The following HDAC5 variants were observed in gnomAD, a reference collection of about 807,000 sequenced individuals.
HDAC5 encodes the protein histone deacetylase 5, also known as antigen NY-CO-9.
In HDAC5, 25 loss-of-function variants were observed where a neutral mutation model predicts 133.3. That is an observed-to-expected ratio of 0.19 (90% confidence interval 0.14 to 0.26). The LOEUF is 0.26. Ranked by LOEUF, HDAC5 falls within the 10% of genes least tolerant of loss-of-function variation. The pLI, the probability that HDAC5 is intolerant of heterozygous loss-of-function variation, is 1.00. For synonymous variants in HDAC5, 589 were observed against 610.8 expected (o/e 0.96, Z 0.53); for missense variants, 1,041 against 1,460.5 (o/e 0.71, Z 4.68).
At position 44,087,435 on chromosome 17, in the gene HDAC5, C is replaced by G. The variant is rs770579557; in HGVS notation, c.1861G>C (p.Glu621Gln). 1 of 1,172,038 alleles carries G rather than the reference C, an allele frequency of 8.5e-7. No homozygotes were observed. Among genetic ancestry groups the G allele is most frequent in the East Asian group, 2.3e-5 (1 of 42,802 alleles). 72.6% of individuals were successfully genotyped at this position (1,172,038 alleles called of 1,614,324 possible). A position where few individuals can be genotyped will look rare whatever the true frequency, so the allele number is the denominator to read the frequency against. ...SGAEEGPDLE[E>Q]PGAGYKKLFS... ...ACTTTTTTGTATCCAGCACCAGGCT[C>G]CTCCAAGTCGGGCCCCTCCTCAGCA... The change falls in exon 13 of 27, where the codon GAG becomes CAG. Residue 621 changes from glutamate (E) to glutamine (Q), a missense_variant. Glu to Gln is a conservative substitution (Grantham distance 29, BLOSUM62 2). Coordinates refer to ENST00000682912, the MANE Select transcript of HDAC5 (RefSeq NM_005474.5).
chr17:44,106,045 G>A (rs1052003531), intron 3 of HDAC5, among the ~76,000 whole-genome samples: 8 of 152,184 alleles, frequency 5.3e-5, no homozygotes, highest in Admixed American at 3.9e-4. Flanking sequence ...AAAAGTTTGA[G>A]AACCACTGCC....
Position 44,122,151 on chromosome 17 carries a change from G to GCCAGCCTAGC in HDAC5, c.-190+1343_-190+1352dup, listed in dbSNP as rs538068778. Among the ~76,000 whole-genome samples, 53 of 152,164 alleles carry GCCAGCCTAGC rather than the reference G, an allele frequency of 3.5e-4. No individual in the cohort carries two copies. In the South Asian group the frequency reaches 0.011, roughly 31 times the overall value. On this transcript the variant is annotated intron_variant, in intron 1 of 26. Transcript: ENST00000682912. Reference sequence around the variant, plus strand: ...CATGGCTCATCCACCATCCAGCCCAGCCAGCCTAGCCCAGCCCAGCCCAGC... The same window carrying GCCAGCCTAGC: ...CATGGCTCATCCACCATCCAGCCCAGCCAGCCTAGCCCAGCCTAGCCCAGCCCAGCCCAGC...
At chr17:44,123,325 G>A (rs1175863441) in intron 1 of HDAC5, 179 bp downstream of exon 1, 1 of 328,626 alleles carries the variant, frequency 3.0e-6, no homozygotes, top group Non-Finnish European at 5.5e-6. Context: ...TCCCGCTCAC[G>A]GGCTGCCGAT....
At chr17:44,115,736 C>G (rs1244915321) in intron 2 of HDAC5, among the ~76,000 whole-genome samples, 1 of 152,224 alleles carries the variant, frequency 6.6e-6, no homozygotes, top group East Asian at 1.9e-4. Context: ...GTTCCCAATC[C>G]CTGGCCCCCT....
chr17:44,117,661 G>A lies in HDAC5; in HGVS notation c.-146C>T. 2 of 859,142 alleles carry A rather than the reference G, an allele frequency of 2.3e-6. No homozygotes were observed. The highest frequency in any genetic ancestry group is 2.8e-5 in the South Asian group (2 of 71,048). 53.2% of individuals were successfully genotyped at this position (859,142 alleles called of 1,614,324 possible). A position where few individuals can be genotyped will look rare whatever the true frequency, so the allele number is the denominator to read the frequency against. On this transcript the variant is annotated 5_prime_UTR_variant, in exon 2 of 27. Transcript: ENST00000682912. The surrounding 1 kb of genome is among the most constrained non-coding windows in gnomAD (Gnocchi z 4.2). ...GCCGTGCCTCTAATGCCCATCCGAG[G>A]CCATCCTTCGGGGCGAGGCAGTCAG...
intron 12 of HDAC5, 109 bp from the exon 13 acceptor site, chr17:44,087,805 T>A: frequency 7.5e-7 from 1 of 1,333,618 alleles, no homozygotes; most frequent in Non-Finnish European, 9.9e-7. Flanking sequence ...AGGTAGAGCT[T>A]CTATGTGAAT....
chr17:44,122,132 T>C (rs1366756275), intron 1 of HDAC5, among the ~76,000 whole-genome samples: 1 of 151,918 alleles, frequency 6.6e-6, no homozygotes, highest in Non-Finnish European at 1.5e-5. Context: ...CCAACATGGC[T>C]CATCCACCAT....
intron 3 of HDAC5, among the ~76,000 whole-genome samples, chr17:44,105,599 G>A (rs1020261823): frequency 2.6e-5 from 4 of 152,204 alleles, no homozygotes; most frequent in African/African-American, 9.7e-5. Context: ...TGGGTGTCCA[G>A]CAGGGCACCC....
rs747419155 is a variant in HDAC5, at chr17:44,111,151, C to A, written c.23-351G>T. 4 of 388,220 alleles carry A rather than the reference C, an allele frequency of 1.0e-5. No individual in the cohort carries two copies. In the East Asian group the frequency reaches 2.2e-4, roughly 21 times the overall value. The allele number at this position is 388,220 out of a possible 1,614,324, so 24.0% of individuals were successfully genotyped here. A position where few individuals can be genotyped will look rare whatever the true frequency, so the allele number is the denominator to read the frequency against. On this transcript the variant is annotated intron_variant, in intron 2 of 26. Coordinates refer to ENST00000682912, the MANE Select transcript of HDAC5 (RefSeq NM_005474.5). Reference sequence around the variant, plus strand: ...AGCACTTGGGACAGGAAGGGGAGCTCAGCGGGCAGGCGGGCTCTGTGTTCC... The same window carrying A: ...AGCACTTGGGACAGGAAGGGGAGCTAAGCGGGCAGGCGGGCTCTGTGTTCC...
chr17:44,100,246 G>A (rs924922341), intron 3 of HDAC5, among the ~76,000 whole-genome samples: 3 of 152,056 alleles, frequency 2.0e-5, no homozygotes, highest in Admixed American at 1.3e-4. Context: ...CTGCACCCCA[G>A]GTCCAAGCCC....
intron 2 of HDAC5, 32 bp from the exon 3 acceptor site, chr17:44,110,832 G>A (rs1388859823): frequency 6.3e-7 from 1 of 1,575,880 alleles, no homozygotes; most frequent in Non-Finnish European, 8.7e-7. Flanking sequence ...TCTCATAGAT[G>A]GTCTGCAGCA....
intron 2 of HDAC5, among the ~76,000 whole-genome samples, chr17:44,112,839 G>C: frequency 6.6e-6 from 1 of 152,186 alleles, no homozygotes. Context: ...TGGAGCTGCA[G>C]CTTCTAAACC....
intron 3 of HDAC5, among the ~76,000 whole-genome samples, chr17:44,110,104 C>A (rs917063906): frequency 6.6e-6 from 1 of 152,248 alleles, no homozygotes; most frequent in Admixed American, 6.5e-5. Flanking sequence ...CAACCCAGAC[C>A]TGGGGAGAGG....
chr17:44,113,878 A>G (rs1015693600), intron 2 of HDAC5, among the ~76,000 whole-genome samples: 9 of 152,208 alleles, frequency 5.9e-5, no homozygotes, highest in African/African-American at 2.2e-4. Flanking sequence ...CTGGCCCAGG[A>G]GCACCCTGGA....
chr17:44,079,075 G>A (rs998791737), intron 24 of HDAC5, 69 bp downstream of exon 24: 2 of 1,578,076 alleles, frequency 1.3e-6, no homozygotes, highest in African/African-American at 1.3e-5. Flanking sequence ...GGCTCCCAGT[G>A]CTGGCTGACC....
chr17:44,106,542 G>A (rs1402616169), intron 3 of HDAC5, among the ~76,000 whole-genome samples: 1 of 152,090 alleles, frequency 6.6e-6, no homozygotes, highest in Non-Finnish European at 1.5e-5. Context: ...CTGGCATGAG[G>A]ACGTATCTAC....
At chr17:44,119,551 G>C (rs1177796870) in intron 1 of HDAC5, among the ~76,000 whole-genome samples, 1 of 152,154 alleles carries the variant, frequency 6.6e-6, no homozygotes, top group African/African-American at 2.4e-5. Flanking sequence ...TGGTGGGCTC[G>C]GGACTCATCT....
chr17:44,085,090 C>G lies in HDAC5; in HGVS notation c.2116G>C (p.Glu706Gln), dbSNP rs555845348. ...CMCGNTHVHP[E>Q]HAGRIQSIWS... ...ATGCTCTGGATCCGGCCAGCATGCT[C>G]AGGGTGCACGTGTGTGTTCCCGCAC... is the stretch of plus-strand genomic sequence containing the variant. The change falls in exon 15 of 27, where the codon GAG (glutamate) becomes CAG (glutamine). Residue 706 changes from glutamate (E) to glutamine (Q), a missense_variant. Coordinates refer to ENST00000682912, the MANE Select transcript of HDAC5 (RefSeq NM_005474.5). The G allele has an allele frequency of 6.2e-7, 1 of 1,604,852 alleles. No individual in the cohort carries two copies. The highest frequency in any genetic ancestry group is 2.2e-5 in the East Asian group (1 of 44,566).
At chr17:44,116,158 G>T (rs901051380) in intron 2 of HDAC5, among the ~76,000 whole-genome samples, 3 of 152,230 alleles carry the variant, frequency 2.0e-5, no homozygotes, top group Admixed American at 1.3e-4. Context: ...TGGGAAGCAG[G>T]GACTGCAGAT....
Sources: allele counts gnomAD v4.1 joint callset (sites outside exome capture counted in the v4.1 genomes callset), GRCh38; gene constraint gnomAD v4.1.1; non-coding constraint Gnocchi (gnomAD v3.1); transcripts MANE v1.5; gene names NCBI Gene and HGNC (gene_info 2026-07-23, HGNC 2026-07-21).